Variants in NDUFS4 observed in about 807,000 individuals in gnomAD.
NDUFS4 encodes the protein NADH dehydrogenase [ubiquinone] iron-sulfur protein 4, mitochondrial.
A neutral mutation model predicts 24.3 loss-of-function variants in NDUFS4; 28 were observed. The observed-to-expected ratio is 1.15, with a 90% CI of 0.85 to 1.58. The LOEUF is 1.58. Among genes scored for constraint, NDUFS4 ranks in the 40% most tolerant of loss-of-function variants. NDUFS4 has a pLI of 0.00. For synonymous variants in NDUFS4, 93 were observed against 69.7 expected, an observed-to-expected ratio of 1.34 and a Z score of -1.67; for missense variants, 223 against 207.9, an observed-to-expected ratio of 1.07 and a Z score of -0.45.
chr5:53,640,535 T>G lies in NDUFS4; in HGVS notation c.178-5698T>G, dbSNP rs576409967. ...TGGCAGAAGGTGAAGGTGAACCGAC[T>G]TGTGCAGAGATTACATGGTGATAGA... is the stretch of plus-strand genomic sequence containing the variant. On this transcript the variant is annotated intron_variant, in intron 2 of 4. Transcript: ENST00000296684. Among the ~76,000 whole-genome samples, 4 of 152,238 alleles carry G rather than the reference T, an allele frequency of 2.6e-5. No homozygotes were observed. The South Asian group carries it at 8.3e-4, about 32-fold the overall frequency.
intron 3 of NDUFS4, among the ~76,000 whole-genome samples, chr5:53,647,729 C>T (rs560145978): frequency 3.9e-5 from 6 of 152,250 alleles, no homozygotes; most frequent in Non-Finnish European, 8.8e-5. Flanking sequence ...TGTCCGGTCT[C>T]CAGTTGAAGG....
intron 2 of NDUFS4, among the ~76,000 whole-genome samples, chr5:53,628,387 T>C (rs1340829194): frequency 6.6e-6 from 1 of 152,258 alleles, no homozygotes; most frequent in Non-Finnish European, 1.5e-5. Context: ...AGGATGATAC[T>C]GGCCTCATAA....
At chr5:53,619,873 A>G (rs192121351) in intron 2 of NDUFS4, among the ~76,000 whole-genome samples, 16 of 152,292 alleles carry the variant, frequency 1.1e-4, no homozygotes, top group Admixed American at 2.6e-4. Context: ...GCCATCATGC[A>G]GTTTTTGTAC....
intron 1 of NDUFS4, among the ~76,000 whole-genome samples, chr5:53,568,989 G>T (rs1240263599): frequency 6.6e-6 from 1 of 152,098 alleles, no homozygotes; most frequent in Non-Finnish European, 1.5e-5. Flanking sequence ...AATGGTCCTT[G>T]AATAGGGCTT....
Position 53,646,269 on chromosome 5 carries a change from A to G in NDUFS4, c.214A>G (p.Ile72Val). ...TTTAACTGGAGTTCCAGAAGAGCAT[A>G]TAAAAACTAGAAAAGTCAGGATCTT... The part of the protein sequence containing the change: ...TTLTGVPEEH[I>V]KTRKVRIFVP... The change falls in exon 3 of 5, where the codon ATA (isoleucine) becomes GTA (valine). Residue 72 changes from isoleucine to valine, a missense_variant. Transcript: ENST00000296684. 6.2e-7 allele frequency: 1 copy of G among 1,613,164 alleles called. No individual in the cohort carries two copies. Among genetic ancestry groups the G allele is most frequent in the Non-Finnish European group, 8.5e-7 (1 of 1,179,314 alleles).
chr5:53,601,319 G>C (rs1185108500), intron 1 of NDUFS4, among the ~76,000 whole-genome samples: 1 of 152,064 alleles, frequency 6.6e-6, no homozygotes, highest in African/African-American at 2.4e-5. Context: ...GTTTACAAAA[G>C]ATGTTATATA....
At position 53,624,369 on chromosome 5, in the gene NDUFS4, C is replaced by T. The variant is rs149823519; in HGVS notation, c.177+20839C>T. Reference sequence around the variant, plus strand: ...TTTAGGATGGATTTTTCTATTTCTACCCCCAAAATGTCACTTTTTATAGGG... The same window carrying T: ...TTTAGGATGGATTTTTCTATTTCTATCCCCAAAATGTCACTTTTTATAGGG... On this transcript the variant is annotated intron_variant, in intron 2 of 4. Coordinates refer to ENST00000296684, the MANE Select transcript of NDUFS4 (RefSeq NM_002495.4). Among the ~76,000 whole-genome samples, 1,463 of 152,262 alleles carry T rather than the reference C, an allele frequency of 9.6e-3. 10 individuals are homozygous for T. The highest frequency in any genetic ancestry group is 0.014 in the Non-Finnish European group (959 of 68,014).
chr5:53,627,029 GT>G (rs1751250836), intron 2 of NDUFS4, among the ~76,000 whole-genome samples: 1 of 152,084 alleles, frequency 6.6e-6, no homozygotes, highest in Non-Finnish European at 1.5e-5. Flanking sequence ...TTACATTTAA[GT>G]CTTTAATTTA....
At chr5:53,575,611 G>A (rs1005245501) in intron 1 of NDUFS4, among the ~76,000 whole-genome samples, 4 of 127,186 alleles carry the variant, frequency 3.1e-5, no homozygotes, top group Non-Finnish European at 4.6e-5. Flanking sequence ...GCATGATCTC[G>A]GCTCACTGCA....
chr5:53,600,660 G>A (rs985280491), intron 1 of NDUFS4, among the ~76,000 whole-genome samples: 6 of 152,106 alleles, frequency 3.9e-5, no homozygotes, highest in African/African-American at 1.4e-4. Flanking sequence ...GTGGACCTTC[G>A]TTGCTACCTT....
chr5:53,614,278 A>G (rs562546884), intron 2 of NDUFS4, among the ~76,000 whole-genome samples: 1 of 152,038 alleles, frequency 6.6e-6, no homozygotes, highest in East Asian at 1.9e-4. Context: ...TGCTTATTGA[A>G]ATGCTATTTT....
At chr5:53,566,941 C>A (rs550979871) in intron 1 of NDUFS4, among the ~76,000 whole-genome samples, 1 of 151,524 alleles carries the variant, frequency 6.6e-6, no homozygotes, top group South Asian at 2.1e-4. Flanking sequence ...CTCTGCCTCC[C>A]AGGTTCAAGC....
intron 3 of NDUFS4, among the ~76,000 whole-genome samples, chr5:53,650,377 T>C (rs1352594056): frequency 6.6e-6 from 1 of 152,196 alleles, no homozygotes; most frequent in African/African-American, 2.4e-5. Context: ...AATTTCATTT[T>C]GTGTAAGTTT....
intron 1 of NDUFS4, among the ~76,000 whole-genome samples, chr5:53,567,078 T>A (rs1220950524): frequency 6.6e-6 from 1 of 152,130 alleles, no homozygotes; most frequent in East Asian, 1.9e-4. Context: ...CTCAAACTCC[T>A]GACCTCGTGA....
chr5:53,611,402 T>C (rs1750691953), intron 2 of NDUFS4, among the ~76,000 whole-genome samples: 1 of 152,040 alleles, frequency 6.6e-6, no homozygotes, highest in Non-Finnish European at 1.5e-5. Context: ...AAATCCTGGA[T>C]TATTGTTAAT....
chr5:53,584,396 C>G (rs143771111), intron 1 of NDUFS4, among the ~76,000 whole-genome samples: 1,553 of 152,150 alleles, frequency 0.01, 21 homozygotes, highest in African/African-American at 0.035. Flanking sequence ...GGCCTTATCA[C>G]CCAGGCTGGA....
chr5:53,633,591 T>G (rs1751469941), intron 2 of NDUFS4, among the ~76,000 whole-genome samples: 2 of 152,210 alleles, frequency 1.3e-5, no homozygotes, highest in African/African-American at 4.8e-5. Context: ...AACTCTTTTT[T>G]GGGTCTTCAT....
chr5:53,624,554 C>A (rs1194430304), intron 2 of NDUFS4, among the ~76,000 whole-genome samples: 1 of 152,100 alleles, frequency 6.6e-6, no homozygotes. Flanking sequence ...CTTTCGTTTT[C>A]TAAGTTTGTT....
chr5:53,560,863 C>A, intron 1 of NDUFS4, 103 bp downstream of exon 1: 3 of 1,579,206 alleles, frequency 1.9e-6, no homozygotes, highest in Non-Finnish European at 2.6e-6. Flanking sequence ...AAGGCGTCCT[C>A]TGTTGACCCT....
Sources: allele counts gnomAD v4.1 joint callset (sites outside exome capture counted in the v4.1 genomes callset), GRCh38; gene constraint gnomAD v4.1.1; transcripts MANE v1.5; gene names NCBI Gene and HGNC (gene_info 2026-07-23, HGNC 2026-07-21).